The following GGTA1 variants were observed in gnomAD, a reference collection of about 807,000 sequenced individuals.
GGTA1 encodes inactive N-acetyllactosaminide alpha-1,3-galactosyltransferase.
Under a neutral mutation model 2.6 loss-of-function variants are expected in GGTA1, and 5 were observed. The observed-to-expected ratio is 1.92, with a 90% confidence interval of 1.00 to 4.04. GGTA1 has a LOEUF of 4.04. Ranked by LOEUF, GGTA1 falls within the 30% of genes most tolerant of loss-of-function variation. The pLI, the probability that GGTA1 is intolerant of heterozygous loss-of-function variation, is 0.00. For missense variants in GGTA1, 50 were observed against 16.7 expected (o/e 2.99, Z -3.47); for synonymous variants, 17 against 5.0 (o/e 3.38, Z -3.19).
intron 1 of GGTA1, among the ~76,000 whole-genome samples, chr9:121,474,760 T>A (rs1173717522): frequency 1.3e-5 from 2 of 152,008 alleles, no homozygotes; most frequent in Non-Finnish European, 2.9e-5. Flanking sequence ...TCAGATGCCA[T>A]GGAAAAGCCA....
chr9:121,462,613 C>A (rs1274748577), intron 3 of GGTA1: 1 of 152,148 alleles, frequency 6.6e-6, no homozygotes, highest in Admixed American at 6.5e-5. Context: ...TTCACATGAC[C>A]TCAGTCATCC....
At position 121,455,642 on chromosome 9, in the gene GGTA1, C is replaced by T. The variant is rs533186567; in HGVS notation, c.*195G>A. On this transcript the variant is annotated 3_prime_UTR_variant, in exon 6 of 6. Transcript: ENST00000481799. ...ATCCCCTGACCCACATTTCCCAGTT[C>T]CCTGCTCTATACCAGGTCATCCTGC... 5 of 226,532 alleles carry T rather than the reference C, an allele frequency of 2.2e-5. No homozygotes were observed. The South Asian group carries it at 3.1e-4, about 14-fold the overall frequency. 14.0% of individuals were successfully genotyped at this position (226,532 alleles called of 1,614,324 possible). A position where few individuals can be genotyped will look rare whatever the true frequency, so the allele number is the denominator to read the frequency against.
intron 1 of GGTA1, among the ~76,000 whole-genome samples, chr9:121,493,356 G>A (rs1217215465): frequency 1.3e-5 from 2 of 151,980 alleles, no homozygotes; most frequent in Non-Finnish European, 2.9e-5. Flanking sequence ...CCCTATGTTT[G>A]GCTTCAGGAC....
intron 1 of GGTA1, among the ~76,000 whole-genome samples, chr9:121,480,142 G>A (rs1212969492): frequency 2.0e-5 from 3 of 150,468 alleles, no homozygotes; most frequent in Non-Finnish European, 4.4e-5. Flanking sequence ...TGCAAGCTCC[G>A]CCTCCCGGGT....
chr9:121,467,776 T>C, intron 2 of GGTA1, 67 bp downstream of exon 2: 1 of 412,978 alleles, frequency 2.4e-6, no homozygotes. Context: ...GCAACTTGGA[T>C]GATACTAGTA....
At chr9:121,456,015 G>A (rs927515954) in intron 5 of GGTA1, among the ~76,000 whole-genome samples, 174 bp from the exon 6 acceptor site, 1 of 152,118 alleles carries the variant, frequency 6.6e-6, no homozygotes, top group Admixed American at 6.6e-5. Flanking sequence ...GGGGGCGGAG[G>A]GAGAATGAGA....
chr9:121,499,813 C>G lies in GGTA1; in HGVS notation c.-173G>C, dbSNP rs1194562928. The G allele has an allele frequency of 6.6e-6, 1 of 152,012 alleles. No individual in the cohort carries two copies. Among genetic ancestry groups the G allele is most frequent in the African/African-American group, 2.4e-5 (1 of 41,404 alleles). 9.4% of individuals were successfully genotyped at this position (152,012 alleles called of 1,614,324 possible). On this transcript the variant is annotated 5_prime_UTR_variant, in exon 1 of 6. Coordinates refer to ENST00000481799, the MANE Select transcript of GGTA1 (RefSeq NM_001382585.1). Reference sequence around the variant, plus strand: ...TCCTCCCGCCCGTGGGCCGGCCGGCCGGGCTTCTGCTCTGGGCAGAGCGCA... The same window carrying G: ...TCCTCCCGCCCGTGGGCCGGCCGGCGGGGCTTCTGCTCTGGGCAGAGCGCA...
rs370040895 is a variant in GGTA1 at position 121,484,801 on chromosome 9, G to A, written c.-10+14849C>T. Among the ~76,000 whole-genome samples the A allele has an allele frequency of 3.3e-5, 5 of 152,272 alleles. No individual in the cohort carries two copies. The South Asian group carries it at 8.3e-4, about 25-fold the overall frequency. ...GCTGCTCAGTCAAAATAAATGACAC[G>A]CAGAGTGATCCTCCTCTCTAAGACT... On this transcript the variant is annotated intron_variant, in intron 1 of 5. Coordinates refer to ENST00000481799, the MANE Select transcript of GGTA1 (RefSeq NM_001382585.1).
In GGTA1 at chr9:121,483,205, A is replaced by G. The variant is rs535527643; in HGVS notation, c.-9-15274T>C. Among the ~76,000 whole-genome samples the G allele has an allele frequency of 4.2e-3, 632 of 152,248 alleles. 5 individuals are homozygous for G. Among genetic ancestry groups the G allele is most frequent in the Non-Finnish European group, 3.9e-3 (264 of 68,024 alleles). ...AGGACAGGGCCCTTCACTATTTTCAAAGGTCAACATACAGAGGCTCTGAGA... is the reference window on the plus strand; with the variant it reads ...AGGACAGGGCCCTTCACTATTTTCAGAGGTCAACATACAGAGGCTCTGAGA... On this transcript the variant is annotated intron_variant, in intron 1 of 5. Transcript: ENST00000481799.
intron 1 of GGTA1, among the ~76,000 whole-genome samples, chr9:121,487,499 C>G (rs1247658763): frequency 6.7e-6 from 1 of 150,060 alleles, no homozygotes; most frequent in South Asian, 2.1e-4. Flanking sequence ...TCGTTTGAAC[C>G]CGGGAGGCAG....
intron 1 of GGTA1, among the ~76,000 whole-genome samples, chr9:121,489,843 G>A (rs777891098): frequency 2.0e-5 from 3 of 152,206 alleles, no homozygotes; most frequent in Non-Finnish European, 4.4e-5. Context: ...CCAGTCACAG[G>A]AGTGTGAACT....
intron 1 of GGTA1, among the ~76,000 whole-genome samples, chr9:121,498,268 G>C (rs571843359): frequency 9.2e-5 from 14 of 152,328 alleles, no homozygotes; most frequent in African/African-American, 2.9e-4. Context: ...AATCCCTAGG[G>C]ACTCGTTCAG....
At chr9:121,445,924 A>G (rs2064850249) in exon 8 of GGTA1, 1 of 152,148 alleles carries the variant, frequency 6.6e-6, no homozygotes, top group South Asian at 2.1e-4. Flanking sequence ...TAGAAACAGA[A>G]CTGCTTGCAA....
intron 1 of GGTA1, among the ~76,000 whole-genome samples, chr9:121,473,650 G>T (rs7859317): frequency 0.31 from 47,296 of 151,978 alleles, 7,635 homozygotes; most frequent in Middle Eastern, 0.4. Context: ...TTTGGGCCAG[G>T]CACAGTAGCT....
At chr9:121,482,245 A>T (rs1324047094) in intron 1 of GGTA1, among the ~76,000 whole-genome samples, 1 of 152,012 alleles carries the variant, frequency 6.6e-6, no homozygotes. Context: ...AGGCAGAAGG[A>T]TCCCTTGAGC....
intron 1 of GGTA1, among the ~76,000 whole-genome samples, chr9:121,471,536 C>A (rs1320304633): frequency 6.6e-6 from 1 of 152,170 alleles, no homozygotes; most frequent in East Asian, 1.9e-4. Context: ...TCATATCTTA[C>A]AAACCCTTTA....
chr9:121,452,555 GT>G (rs2064883775), downstream of GGTA1, among the ~76,000 whole-genome samples: 1 of 151,450 alleles, frequency 6.6e-6, no homozygotes, highest in Non-Finnish European at 1.5e-5. Flanking sequence ...ATCTCGCTCT[GT>G]CACCCAGGCT....
At chr9:121,463,491 G>A (rs1018860871) in intron 2 of GGTA1, among the ~76,000 whole-genome samples, 163 bp from the exon 3 acceptor site, 1 of 152,176 alleles carries the variant, frequency 6.6e-6, no homozygotes, top group Non-Finnish European at 1.5e-5. Context: ...ACATCAGGAG[G>A]ATGGAAATTT....
chr9:121,477,921 C>T (rs1370059422), intron 1 of GGTA1, among the ~76,000 whole-genome samples: 1 of 152,056 alleles, frequency 6.6e-6, no homozygotes, highest in African/African-American at 2.4e-5. Context: ...GAATCAGCTT[C>T]AAACCCTGCA....
Sources: allele counts gnomAD v4.1 joint callset (sites outside exome capture counted in the v4.1 genomes callset), GRCh38; gene constraint gnomAD v4.1.1; transcripts MANE v1.5; gene names NCBI Gene and HGNC (gene_info 2026-07-23, HGNC 2026-07-21).